Variants in SLC35F3 observed in about 807,000 individuals in gnomAD.
SLC35F3 encodes the protein solute carrier family 35 member F3.
A neutral mutation model predicts 49.9 loss-of-function variants in SLC35F3; 25 were observed. The ratio of observed to expected loss-of-function variants is 0.50; its 90% CI spans 0.37 to 0.70. The LOEUF (loss-of-function observed/expected upper bound fraction) is 0.70. Ranked by LOEUF, SLC35F3 falls within the 30% of genes least tolerant of loss-of-function variation. SLC35F3 has a pLI of 0.00. For synonymous variants in SLC35F3, 275 were observed against 265.4 expected, an observed-to-expected ratio of 1.04 and a Z score of -0.35; for missense variants, 525 against 639.8, an observed-to-expected ratio of 0.82 and a Z score of 1.94.
At chr1:234,008,280 C>G (rs1383748501) in intron 2 of SLC35F3, among the ~76,000 whole-genome samples, 1 of 152,172 alleles carries the variant, frequency 6.6e-6, no homozygotes, top group Non-Finnish European at 1.5e-5. Context: ...AACATGCTGT[C>G]AGGAGCCAGG....
intron 2 of SLC35F3, among the ~76,000 whole-genome samples, chr1:234,007,737 T>G (rs566299713): frequency 1.3e-5 from 2 of 152,230 alleles, no homozygotes; most frequent in African/African-American, 4.8e-5. Flanking sequence ...GGGCAGTCAT[T>G]GCAATGATCT....
At chr1:233,961,946 C>T (rs1662810964) in intron 2 of SLC35F3, among the ~76,000 whole-genome samples, 1 of 152,096 alleles carries the variant, frequency 6.6e-6, no homozygotes, top group East Asian at 1.9e-4. Flanking sequence ...GAACTTCTGG[C>T]GTGTTTTAAT....
intron 2 of SLC35F3, among the ~76,000 whole-genome samples, chr1:234,092,565 A>G (rs1265263685): frequency 6.6e-6 from 1 of 152,230 alleles, no homozygotes; most frequent in Non-Finnish European, 1.5e-5. Flanking sequence ...AGTGCTGCGA[A>G]TAAAAATGAA....
intron 2 of SLC35F3, chr1:234,213,086 G>T (rs1667066183): frequency 6.6e-6 from 1 of 152,152 alleles, no homozygotes. Flanking sequence ...CAACTCCTAG[G>T]AGCCACTTCT....
At chr1:233,979,014 C>T (rs536074797) in intron 2 of SLC35F3, among the ~76,000 whole-genome samples, 115 of 147,898 alleles carry the variant, frequency 7.8e-4, no homozygotes, top group African/African-American at 2.5e-3. Context: ...CCAGCCTGGA[C>T]GACAGAGTGA....
intron 2 of SLC35F3, among the ~76,000 whole-genome samples, chr1:234,097,909 G>A (rs1032077782): frequency 1.3e-5 from 2 of 152,244 alleles, no homozygotes; most frequent in African/African-American, 4.8e-5. Context: ...TGAAGGTGAT[G>A]TGATGGTGGT....
At chr1:234,200,079 T>A (rs1666878539) in intron 2 of SLC35F3, among the ~76,000 whole-genome samples, 1 of 152,140 alleles carries the variant, frequency 6.6e-6, no homozygotes, top group Admixed American at 6.5e-5. Context: ...AGTATGGAGG[T>A]TCCTTCAAAT....
At chr1:234,276,697 A>T (rs1668217558) in intron 3 of SLC35F3, among the ~76,000 whole-genome samples, 2 of 152,248 alleles carry the variant, frequency 1.3e-5, no homozygotes, top group African/African-American at 4.8e-5. Context: ...CTCTCATTCA[A>T]GCAGACTTAT....
At position 234,214,155 on chromosome 1, in the gene SLC35F3, G is replaced by A. The variant is rs911835777; in HGVS notation, c.284-17262G>A. ...TGAGGGCTGCGGGGCTGGGCGTCCC[G>A]GGGAGGAGGGCGGAGCAGGTGAGCT... On this transcript the variant is annotated intron_variant, in intron 2 of 7. Transcript: ENST00000366618. The surrounding 1 kb of genome is among the most constrained non-coding windows in gnomAD (Gnocchi z 8.0). The A allele has an allele frequency of 5.6e-6, 6 of 1,068,830 alleles. No homozygotes were observed. The African/African-American group carries it at 6.7e-5, about 12-fold the overall frequency. 66.2% of individuals were successfully genotyped at this position (1,068,830 alleles called of 1,614,324 possible).
intron 2 of SLC35F3, among the ~76,000 whole-genome samples, chr1:234,194,317 T>C (rs1304974324): frequency 6.6e-6 from 1 of 152,202 alleles, no homozygotes; most frequent in Non-Finnish European, 1.5e-5. Flanking sequence ...AGCTGGTAAC[T>C]ATTATTCTAA....
intron 2 of SLC35F3, among the ~76,000 whole-genome samples, chr1:234,177,790 G>A (rs562028229): frequency 9.9e-5 from 15 of 152,194 alleles, no homozygotes; most frequent in Non-Finnish European, 1.5e-4. Context: ...AACTCAGTCC[G>A]TGGTCTTATA....
Position 234,267,905 on chromosome 1 carries a change from G to A in SLC35F3, c.608+36164G>A, listed in dbSNP as rs1237053043. On this transcript the variant is annotated intron_variant, in intron 3 of 7. Coordinates refer to ENST00000366618, the MANE Select transcript of SLC35F3 (RefSeq NM_173508.4). The stretch of plus-strand genomic sequence containing the variant: ...CCACATCTCAGACGATGGGCTGCCG[G>A]GCAGAGACGCTCCTCACTTCCTAGA... Among the ~76,000 whole-genome samples the A allele has an allele frequency of 6.3e-5, 9 of 142,888 alleles. 1 individual carries two copies. Among genetic ancestry groups the A allele is most frequent in the Non-Finnish European group, 1.2e-4 (8 of 65,686 alleles). The allele number at this position is 142,888 out of a possible 152,430, so 93.7% of individuals were successfully genotyped here. A position where few individuals can be genotyped will look rare whatever the true frequency, so the allele number is the denominator to read the frequency against.
intron 2 of SLC35F3, among the ~76,000 whole-genome samples, chr1:233,929,161 C>G (rs1049783743): frequency 6.6e-6 from 1 of 152,152 alleles, no homozygotes; most frequent in African/African-American, 2.4e-5. Flanking sequence ...CCCAATAATA[C>G]AATCTACCAC....
intron 2 of SLC35F3, among the ~76,000 whole-genome samples, chr1:234,104,513 G>T (rs1400138401): frequency 6.6e-6 from 1 of 152,076 alleles, no homozygotes; most frequent in East Asian, 1.9e-4. Flanking sequence ...TCACCCTTGT[G>T]CTAAGAGCCA....
rs111910589 is a variant in SLC35F3, at chr1:234,239,711, A to G, written c.608+7970A>G. ...AGGCGGTGCCTGGGCAGGTTGGAGCAACAGAGGTAGGAGTGCTACTAGCCC... is the reference window on the plus strand; with the variant it reads ...AGGCGGTGCCTGGGCAGGTTGGAGCGACAGAGGTAGGAGTGCTACTAGCCC... On this transcript the variant is annotated intron_variant, in intron 3 of 7. Transcript: ENST00000366618. 8.2e-3 allele frequency among the ~76,000 whole-genome samples: 1,255 copies of G among 152,360 alleles called. 13 individuals carry two copies. The highest frequency in any genetic ancestry group is 0.027 in the African/African-American group (1,120 of 41,584).
intron 2 of SLC35F3, among the ~76,000 whole-genome samples, chr1:233,922,060 G>A (rs2102788110): frequency 6.6e-6 from 1 of 152,276 alleles, no homozygotes; most frequent in East Asian, 1.9e-4. Flanking sequence ...CATTTGGCTT[G>A]GTTCCAAGTC....
chr1:234,102,148 T>C (rs569812208), intron 2 of SLC35F3, among the ~76,000 whole-genome samples: 6 of 152,334 alleles, frequency 3.9e-5, no homozygotes, highest in East Asian at 1.9e-4. Flanking sequence ...CCTTTCCATG[T>C]GGAGAAAAAG....
chr1:234,157,961 C>G (rs1314265743), intron 2 of SLC35F3, among the ~76,000 whole-genome samples: 2 of 152,098 alleles, frequency 1.3e-5, no homozygotes, highest in African/African-American at 4.8e-5. Context: ...GCCTCTGAAA[C>G]CTTGCAGGTG....
chr1:234,025,198 T>C (rs760454528), intron 2 of SLC35F3, among the ~76,000 whole-genome samples: 9 of 152,254 alleles, frequency 5.9e-5, no homozygotes, highest in Non-Finnish European at 2.9e-5. Context: ...ATGTACCACA[T>C]TTTCTTTATC....
Sources: gnomAD v4.1 joint callset for allele counts (sites outside exome capture counted in the v4.1 genomes callset) on GRCh38, gnomAD v4.1.1 for gene constraint, Gnocchi (gnomAD v3.1) non-coding constraint, MANE v1.5 for transcripts, NCBI Gene and HGNC (gene_info 2026-07-23, HGNC 2026-07-21) for gene names.